GABRA3: variants seen among roughly 807,000 people sequenced by gnomAD.
The protein encoded by GABRA3 is gamma-aminobutyric acid receptor subunit alpha-3.
GABRA3 carries 10 observed loss-of-function variants against 30.1 expected under a neutral mutation model. That is an observed-to-expected ratio of 0.33 (90% confidence interval 0.20 to 0.56). GABRA3 has a LOEUF of 0.56. Among genes scored for constraint, GABRA3 ranks in the 20% least tolerant of loss-of-function variants. The pLI is 0.89. For missense variants in GABRA3, 233 were observed against 392.0 expected, an observed-to-expected ratio of 0.59 and a Z score of 3.42; for synonymous variants, 151 against 146.8, an observed-to-expected ratio of 1.03 and a Z score of -0.21.
At chrX:152,381,419 ATT>A (rs1416713768) in intron 1 of GABRA3, among the ~76,000 whole-genome samples, 1 of 111,280 alleles carries the variant, frequency 9.0e-6, no homozygotes. Context: ...TTTTCTTGCT[ATT>A]GAGTTGTGTG....
intron 1 of GABRA3, chrX:152,394,439 C>T (rs778443619): frequency 2.6e-6 from 1 of 385,691 alleles, no homozygotes. Flanking sequence ...GCTCAAACAT[C>T]CGTGGTGCAT....
At chrX:152,414,853 C>A (rs867155392) in intron 1 of GABRA3, among the ~76,000 whole-genome samples, 113 of 34,903 alleles carry the variant, frequency 3.2e-3, no homozygotes, top group African/African-American at 8.1e-3. Context: ...GCTATCGAAC[C>A]ACCAAAAAAA....
At chrX:152,354,938 G>T (rs983586087) in intron 2 of GABRA3, among the ~76,000 whole-genome samples, 1 of 111,830 alleles carries the variant, frequency 8.9e-6, no homozygotes, top group Non-Finnish European at 1.9e-5. Flanking sequence ...GAAGGGTTTG[G>T]ACTTTTCATA....
At chrX:152,404,302 G>T (rs1206816128) in intron 1 of GABRA3, among the ~76,000 whole-genome samples, 1 of 110,899 alleles carries the variant, frequency 9.0e-6, no homozygotes, top group Admixed American at 9.6e-5. Context: ...AGGCAGACTG[G>T]CTAGGGACCT....
intron 1 of GABRA3, among the ~76,000 whole-genome samples, chrX:152,374,063 G>A (rs1345434957): frequency 9.0e-6 from 1 of 111,309 alleles, no homozygotes; most frequent in African/African-American, 3.3e-5. Flanking sequence ...GATCAATGAT[G>A]TTGAGCATTT....
intron 3 of GABRA3, among the ~76,000 whole-genome samples, chrX:152,293,950 T>C (rs1234164104): frequency 2.7e-5 from 3 of 111,987 alleles, no homozygotes; most frequent in Admixed American, 9.5e-5. Flanking sequence ...TGTTGAATAT[T>C]GGCCCCTACT....
At chrX:152,388,310 A>G (rs895953790) in intron 1 of GABRA3, among the ~76,000 whole-genome samples, 6 of 112,016 alleles carry the variant, frequency 5.4e-5, no homozygotes, top group South Asian at 7.4e-4. Context: ...GGAGCGTTCA[A>G]TCAATGAGTG....
intron 1 of GABRA3, among the ~76,000 whole-genome samples, chrX:152,388,901 A>G (rs1205045921): frequency 1.8e-5 from 2 of 108,110 alleles, no homozygotes; most frequent in Non-Finnish European, 3.8e-5. Flanking sequence ...GGCATGCAAC[A>G]GTAGACATTT....
In GABRA3 at chrX:152,384,878, G is replaced by T. The variant is rs1345608274; in HGVS notation, c.-26-20282C>A. ...ATCTGATAAAGAAACATTATCCAAA[G>T]AATTCCTACAACATCATAAGAAAAA... is the stretch of plus-strand genomic sequence containing the variant. On this transcript the variant is annotated intron_variant, in intron 1 of 9. Transcript: ENST00000370314. Among the ~76,000 whole-genome samples, 3 of 111,437 alleles carry T rather than the reference G, an allele frequency of 2.7e-5. No homozygotes were observed. The Admixed American group carries it at 2.9e-4, about 11-fold the overall frequency.
At chrX:152,262,983 A>G (rs1366625404) in intron 4 of GABRA3, among the ~76,000 whole-genome samples, 1 of 111,883 alleles carries the variant, frequency 8.9e-6, no homozygotes, top group Non-Finnish European at 1.9e-5. Context: ...ATTTACAATT[A>G]TAGCAGAAGG....
intron 1 of GABRA3, among the ~76,000 whole-genome samples, chrX:152,442,739 T>C (rs1308791693): frequency 8.9e-6 from 1 of 112,007 alleles, no homozygotes; most frequent in Non-Finnish European, 1.9e-5. Context: ...ACAGAATCTA[T>C]TATATATTAC....
chrX:152,357,379 G>T (rs189311551), intron 2 of GABRA3, among the ~76,000 whole-genome samples: 1 of 111,904 alleles, frequency 8.9e-6, no homozygotes, highest in African/African-American at 3.2e-5. Context: ...AATGATCAGT[G>T]ATGTTCAGCA....
At chrX:152,198,600 A>G (rs1193829124) in intron 7 of GABRA3, among the ~76,000 whole-genome samples, 1 of 110,668 alleles carries the variant, frequency 9.0e-6, no homozygotes, top group Non-Finnish European at 1.9e-5. Context: ...TCTTGTAATC[A>G]CTCTCTTCAC....
rs747833880 is a variant in GABRA3, at chrX:152,197,789, AAG to A, written c.779-6_779-5del. The A allele has an allele frequency of 9.4e-5, 112 of 1,193,946 alleles. No homozygotes were observed. The highest frequency in any genetic ancestry group is 4.6e-4 in the Middle Eastern group (2 of 4,320). The stretch of plus-strand genomic sequence containing the variant: ...GTTGTCATGACGACATATTCTCCTA[AAG>A]AGAGAGTAAAATTAGGCAGTATGTA... On this transcript the variant is annotated splice_region_variant and splice_polypyrimidine_tract_variant and intron_variant, in intron 7 of 9. Transcript: ENST00000370314.
intron 6 of GABRA3, among the ~76,000 whole-genome samples, chrX:152,224,052 G>A (rs1214715245): frequency 9.0e-6 from 1 of 110,706 alleles, no homozygotes; most frequent in Non-Finnish European, 1.9e-5. Context: ...TAATTATTTG[G>A]GTCTTTTCAA....
intron 3 of GABRA3, among the ~76,000 whole-genome samples, chrX:152,334,554 A>G (rs1602622): frequency 0.21 from 23,403 of 110,537 alleles, 2,292 homozygotes; most frequent in African/African-American, 0.39. Context: ...GAAATTTATT[A>G]TCATTATTTT....
intron 4 of GABRA3, among the ~76,000 whole-genome samples, chrX:152,264,988 G>A (rs1938798362): frequency 9.0e-6 from 1 of 111,691 alleles, no homozygotes; most frequent in South Asian, 3.7e-4. Context: ...GGAGCACCCA[G>A]AAATATATAG....
At chrX:152,450,868 A>G (rs1258101860) in intron 1 of GABRA3, among the ~76,000 whole-genome samples, 1 of 112,466 alleles carries the variant, frequency 8.9e-6, no homozygotes, top group Non-Finnish European at 1.9e-5. Context: ...GCTTCCAAAG[A>G]GGAACAAAAC....
Position 152,281,632 on chromosome X carries a change from T to C in GABRA3, c.330+3036A>G, listed in dbSNP as rs776482933. ...TTCCCTACTGTCATAGTTCCTTATATTCATGAATGGAGAAGCCACCAAACC... is the reference window on the plus strand; with the variant it reads ...TTCCCTACTGTCATAGTTCCTTATACTCATGAATGGAGAAGCCACCAAACC... On this transcript the variant is annotated intron_variant, in intron 4 of 9. Coordinates refer to ENST00000370314, the MANE Select transcript of GABRA3 (RefSeq NM_000808.4). 6.2e-5 allele frequency among the ~76,000 whole-genome samples: 7 copies of C among 112,179 alleles called. No individual in the cohort carries two copies. In the East Asian group the frequency reaches 2.0e-3, roughly 32 times the overall value.
Sources: allele counts gnomAD v4.1 joint callset (sites outside exome capture counted in the v4.1 genomes callset), GRCh38; gene constraint gnomAD v4.1.1; transcripts MANE v1.5; gene names NCBI Gene and HGNC (gene_info 2026-07-23, HGNC 2026-07-21).